Variants in LARGE1 observed in about 807,000 individuals in gnomAD.
LARGE1 encodes xylosyl- and glucuronyltransferase LARGE1.
Under a neutral mutation model 87.6 loss-of-function variants are expected in LARGE1, and 43 were observed. The ratio of observed to expected loss-of-function variants is 0.49; its 90% CI spans 0.38 to 0.63. LARGE1 has a LOEUF of 0.63. LARGE1 is among the 30% of genes least tolerant of loss of function. LARGE1 has a pLI of 0.00. For missense variants in LARGE1, 802 were observed against 1,000.2 expected (o/e 0.80, Z 2.67); for synonymous variants, 434 against 394.6 (o/e 1.10, Z -1.18).
intron 6 of LARGE1, among the ~76,000 whole-genome samples, chr22:33,564,355 A>G (rs2077957754): frequency 6.6e-6 from 1 of 152,132 alleles, no homozygotes; most frequent in East Asian, 1.9e-4. Context: ...CTATAAAGAA[A>G]CCCACCAGAC....
At chr22:33,462,478 A>G (rs2068419995) in intron 6 of LARGE1, among the ~76,000 whole-genome samples, 1 of 152,156 alleles carries the variant, frequency 6.6e-6, no homozygotes, top group Non-Finnish European at 1.5e-5. Flanking sequence ...TTATAGATAA[A>G]CATTTAAAAA....
At chr22:33,339,651 C>T (rs1305007609) in intron 9 of LARGE1, among the ~76,000 whole-genome samples, 1 of 151,120 alleles carries the variant, frequency 6.6e-6, no homozygotes. Context: ...ACAAGATATG[C>T]ACAAGAAAAA....
Position 33,604,420 on chromosome 22 carries a change from C to T in LARGE1, c.615+15G>A. On this transcript the variant is annotated intron_variant, in intron 5 of 14. Transcript: ENST00000397394. ...CTAGAGGAGATCACGGAAGTGCCTC[C>T]CCTCCTGCCCATACCTTGAGCTCGT... 6.2e-7 allele frequency: 1 copy of T among 1,613,948 alleles called. No homozygotes were observed. Among genetic ancestry groups the T allele is most frequent in the South Asian group, 1.1e-5 (1 of 91,078 alleles).
At position 33,385,971 on chromosome 22, in the gene LARGE1, T is replaced by C. The variant is rs538610309; in HGVS notation, c.893-1667A>G. Among the ~76,000 whole-genome samples the C allele has an allele frequency of 3.4e-5, 5 of 148,992 alleles. 1 individual carries two copies. The South Asian group carries it at 1.2e-3, about 35-fold the overall frequency. ...CCTCTTTACTTATTCCAGTGGCACA[T>C]ATTTGGAGAAAAGATATATTCACCA... On this transcript the variant is annotated intron_variant, in intron 7 of 14. Transcript: ENST00000397394.
chr22:33,291,885 G>C (rs987523522), intron 12 of LARGE1, among the ~76,000 whole-genome samples: 10 of 151,992 alleles, frequency 6.6e-5, no homozygotes, highest in African/African-American at 2.2e-4. Context: ...CTAAGGTCAG[G>C]GGTTAGACAC....
chr22:33,595,003 G>C (rs1052415052), intron 5 of LARGE1, among the ~76,000 whole-genome samples: 1 of 152,126 alleles, frequency 6.6e-6, no homozygotes. Flanking sequence ...TCTGGCATCC[G>C]CTCCATCCAA....
chr22:33,607,112 T>C (rs566001353), intron 4 of LARGE1, among the ~76,000 whole-genome samples: 2 of 152,208 alleles, frequency 1.3e-5, no homozygotes, highest in African/African-American at 2.4e-5. Context: ...GGAACAGATG[T>C]AGACATGTCA....
rs1169078421 is a variant in LARGE1 at position 33,722,309 on chromosome 22, G to A, written c.106+39062C>T. Among the ~76,000 whole-genome samples the A allele has an allele frequency of 4.1e-3, 584 of 143,756 alleles. 9 individuals are homozygous for A. The highest frequency in any genetic ancestry group is 0.014 in the African/African-American group (538 of 39,002). The allele number at this position is 143,756 out of a possible 152,430, so 94.3% of individuals were successfully genotyped here. ...GGGAGAGGGAGAGGAGGGAGAGGGA[G>A]AGGAGGGAGAGGGAGAGGAGGGAGA... On this transcript the variant is annotated intron_variant, in intron 2 of 14. Transcript: ENST00000397394.
intron 1 of LARGE1, among the ~76,000 whole-genome samples, chr22:33,914,785 T>C (rs2065734771): frequency 6.6e-6 from 1 of 152,090 alleles, no homozygotes; most frequent in South Asian, 2.1e-4. Context: ...GCAAGCCCTT[T>C]CCCTCCCTGG....
chr22:33,200,417 T>C (rs1353649929), intron 11 of LARGE1, among the ~76,000 whole-genome samples: 1 of 152,154 alleles, frequency 6.6e-6, no homozygotes, highest in Non-Finnish European at 1.5e-5. Context: ...GCAGCCACTT[T>C]GGAAACTATT....
chr22:33,671,829 A>C (rs945489862), intron 2 of LARGE1, among the ~76,000 whole-genome samples: 7 of 152,182 alleles, frequency 4.6e-5, no homozygotes, highest in African/African-American at 1.7e-4. Context: ...GATTGCAAAA[A>C]TTCAAAAAAT....
intron 5 of LARGE1, among the ~76,000 whole-genome samples, chr22:33,584,025 T>C (rs571385047): frequency 1.3e-5 from 2 of 152,222 alleles, no homozygotes; most frequent in Non-Finnish European, 2.9e-5. Flanking sequence ...ATCTGGTTTA[T>C]TAGTTTCCTC....
At chr22:33,531,995 C>A (rs2072229119) in intron 6 of LARGE1, among the ~76,000 whole-genome samples, 1 of 152,214 alleles carries the variant, frequency 6.6e-6, no homozygotes, top group Non-Finnish European at 1.5e-5. Flanking sequence ...CCTAGATGAT[C>A]TAGAAAGCTG....
intron 11 of LARGE1, among the ~76,000 whole-genome samples, chr22:33,181,827 C>CT (rs56347007): frequency 0.027 from 3,512 of 127,930 alleles, 190 homozygotes; most frequent in African/African-American, 0.096. Flanking sequence ...TATGCCTGGC[C>CT]TTTTTTTTTT....
At chr22:33,710,746 C>T (rs2082707667) in intron 2 of LARGE1, among the ~76,000 whole-genome samples, 1 of 152,154 alleles carries the variant, frequency 6.6e-6, no homozygotes, top group African/African-American at 2.4e-5. Context: ...ATGGCAGGTA[C>T]ATCGATCCAA....
At chr22:33,296,303 A>C (rs1023994639) in intron 12 of LARGE1, among the ~76,000 whole-genome samples, 1 of 152,194 alleles carries the variant, frequency 6.6e-6, no homozygotes, top group African/African-American at 2.4e-5. Flanking sequence ...TTTGTGCCAC[A>C]GTTTTCTTCT....
At position 33,654,291 on chromosome 22, in the gene LARGE1, G is replaced by T. The variant is rs549024223; in HGVS notation, c.107-3623C>A. 2.0e-5 allele frequency among the ~76,000 whole-genome samples: 3 copies of T among 151,780 alleles called. No homozygotes were observed. In the South Asian group the frequency reaches 6.2e-4, roughly 32 times the overall value. On this transcript the variant is annotated intron_variant, in intron 2 of 14. Coordinates refer to ENST00000397394, the MANE Select transcript of LARGE1 (RefSeq NM_133642.5). ...AATTAATGGCAGAATTGTCCTTTCC[G>T]GTTTGTTGGTTTGTTTTAAAGGTCC...
At chr22:33,204,698 T>A (rs1229845591) in intron 11 of LARGE1, among the ~76,000 whole-genome samples, 1 of 152,198 alleles carries the variant, frequency 6.6e-6, no homozygotes, top group African/African-American at 2.4e-5. Flanking sequence ...GTCTCCCTTA[T>A]AGACTTAGCT....
intron 11 of LARGE1, among the ~76,000 whole-genome samples, chr22:33,197,374 ATT>A (rs560901515): frequency 1.8e-3 from 277 of 152,120 alleles, no homozygotes; most frequent in African/African-American, 6.4e-3. Flanking sequence ...AGAAAATGTG[ATT>A]GTTTATATAT....
Sources: gnomAD v4.1 joint callset for allele counts (sites outside exome capture counted in the v4.1 genomes callset) on GRCh38, gnomAD v4.1.1 for gene constraint, MANE v1.5 for transcripts, NCBI Gene and HGNC (gene_info 2026-07-23, HGNC 2026-07-21) for gene names.